Variants in GARIN1A observed in about 807,000 individuals in gnomAD.
The protein encoded by GARIN1A is Golgi-associated RAB2 interactor protein 1A.
At chr7:128,675,608 C>T in the GARIN1A span, 1 of 1,537,932 alleles carries the variant, frequency 6.5e-7, no homozygotes. Flanking sequence ...TGCCACTTTC[C>T]AGCATCTGTA....
At chr7:128,678,082 G>A in the GARIN1A span, 11 of 224,002 alleles carry the variant, frequency 4.9e-5, no homozygotes, top group South Asian at 1.2e-4. Flanking sequence ...GTGCAATGGC[G>A]CGATCTCGGC....
chr7:128,699,278 C>A, the GARIN1A span, among the ~76,000 whole-genome samples: 1 of 142,688 alleles, frequency 7.0e-6, no homozygotes, highest in Non-Finnish European at 1.5e-5. Flanking sequence ...CCCCCCACCA[C>A]CAAAAACAAC....
At chr7:128,684,558 T>G in the GARIN1A span, 6 of 135,646 alleles carry the variant, frequency 4.4e-5, no homozygotes, top group African/African-American at 1.7e-4. Context: ...GAGCTTGCAG[T>G]GAGCTGGGAT....
chr7:128,697,170 G>A, the GARIN1A span, among the ~76,000 whole-genome samples: 1 of 152,162 alleles, frequency 6.6e-6, no homozygotes, highest in South Asian at 2.1e-4. Context: ...ACTCTGAGTG[G>A]GGCTTGGAGG....
chr7:128,683,131 A>C, the GARIN1A span: 22 of 1,611,698 alleles, frequency 1.4e-5, no homozygotes, highest in African/African-American at 2.9e-4. Flanking sequence ...ATAGCCAGTT[A>C]CCTAGGAGAG....
the GARIN1A span, chr7:128,677,851 G>C: frequency 2.0e-6 from 3 of 1,514,426 alleles, no homozygotes; most frequent in Non-Finnish European, 2.7e-6. Context: ...CGAGAAATAA[G>C]TATATATAAG....
the GARIN1A span, among the ~76,000 whole-genome samples, chr7:128,698,104 G>C: frequency 6.6e-6 from 1 of 152,142 alleles, no homozygotes; most frequent in African/African-American, 2.4e-5. Flanking sequence ...GTATGTATAG[G>C]TAGGTTACAA....
At chr7:128,689,818 C>A in the GARIN1A span, among the ~76,000 whole-genome samples, 2 of 150,366 alleles carry the variant, frequency 1.3e-5, no homozygotes, top group African/African-American at 2.5e-5. Context: ...CCAGCCGCCC[C>A]GTCCGGGAGG....
chr7:128,703,315 T>C, the GARIN1A span, among the ~76,000 whole-genome samples: 13 of 152,336 alleles, frequency 8.5e-5, no homozygotes, highest in African/African-American at 2.6e-4. Flanking sequence ...CCTCAACAAA[T>C]TTCATGCAAA....
the GARIN1A span, among the ~76,000 whole-genome samples, chr7:128,689,183 T>C: frequency 6.6e-6 from 1 of 152,180 alleles, no homozygotes; most frequent in Non-Finnish European, 1.5e-5. Context: ...TACCTTGGCC[T>C]TCCAAAGTGC....
chr7:128,688,848 C>A, the GARIN1A span, among the ~76,000 whole-genome samples: 2 of 140,960 alleles, frequency 1.4e-5, no homozygotes, highest in Non-Finnish European at 3.1e-5. Flanking sequence ...CCTCTGATGC[C>A]GAGCCGAAGC....
At chr7:128,708,586 C>T in the GARIN1A span, among the ~76,000 whole-genome samples, 1 of 151,860 alleles carries the variant, frequency 6.6e-6, no homozygotes, top group Non-Finnish European at 1.5e-5. Flanking sequence ...GAGCTGATTT[C>T]TCACTCCCTC....
the GARIN1A span, among the ~76,000 whole-genome samples, chr7:128,688,204 G>A: frequency 6.6e-6 from 1 of 152,086 alleles, no homozygotes; most frequent in Non-Finnish European, 1.5e-5. Context: ...TAGAGATGGG[G>A]TTTCACTAGG....
At chr7:128,698,167 G>A in the GARIN1A span, among the ~76,000 whole-genome samples, 3 of 152,108 alleles carry the variant, frequency 2.0e-5, no homozygotes, top group African/African-American at 2.4e-5. Context: ...AATATTTGTC[G>A]TAAAAAGAGG....
At chr7:128,690,767 A>C in the GARIN1A span, 2 of 152,218 alleles carry the variant, frequency 1.3e-5, no homozygotes, top group African/African-American at 4.8e-5. Context: ...TGGTGGGTTC[A>C]ATGTAGGAAA....
chr7:128,697,532 C>T, the GARIN1A span: 3 of 152,410 alleles, frequency 2.0e-5, no homozygotes, highest in African/African-American at 7.3e-5. Flanking sequence ...GGGAGATCGC[C>T]TGGAAATACC....
At chr7:128,689,850 C>T in the GARIN1A span, among the ~76,000 whole-genome samples, 4 of 151,942 alleles carry the variant, frequency 2.6e-5, no homozygotes, top group Non-Finnish European at 4.4e-5. Flanking sequence ...TCTGCCCGGC[C>T]GCCCCTACTA....
the GARIN1A span, among the ~76,000 whole-genome samples, chr7:128,699,357 G>C: frequency 6.8e-6 from 1 of 146,938 alleles, no homozygotes; most frequent in Non-Finnish European, 1.5e-5. Flanking sequence ...TGTAATCTCA[G>C]GGTGTCAAGT....
chr7:128,706,009 A>G, the GARIN1A span, among the ~76,000 whole-genome samples: 1 of 151,960 alleles, frequency 6.6e-6, no homozygotes, highest in Non-Finnish European at 1.5e-5. Context: ...TTGGCATTCT[A>G]CTATAAGGAA....
Sources: gnomAD v4.1 joint callset for allele counts (sites outside exome capture counted in the v4.1 genomes callset) on GRCh38, gnomAD v4.1.1 for gene constraint, MANE v1.5 for transcripts, NCBI Gene and HGNC (gene_info 2026-07-23, HGNC 2026-07-21) for gene names.